Variants in NAV2 observed in about 807,000 individuals in gnomAD.
NAV2 encodes helicase, APC down-regulated 1.
A neutral mutation model predicts 223.2 loss-of-function variants in NAV2; 54 were observed. The ratio of observed to expected loss-of-function variants is 0.24; its 90% CI spans 0.19 to 0.30. The LOEUF (loss-of-function observed/expected upper bound fraction) is 0.30. NAV2 is among the 10% of genes least tolerant of loss of function. NAV2 has a pLI of 1.00. For synonymous variants in NAV2, 1,279 were observed against 1,239.3 expected (o/e 1.03, Z -0.67); for missense variants, 2,806 against 3,147.5 (o/e 0.89, Z 2.60).
chr11:19,709,850 A>C (rs1221391383), upstream of NAV2, among the ~76,000 whole-genome samples: 2 of 152,184 alleles, frequency 1.3e-5, no homozygotes, highest in Admixed American at 1.3e-4. Context: ...ACTAAAGGGA[A>C]GAAGAGGCAG....
At chr11:19,455,624 G>A (rs1268868491) in intron 1 of NAV2, among the ~76,000 whole-genome samples, 2 of 152,104 alleles carry the variant, frequency 1.3e-5, no homozygotes, top group African/African-American at 2.4e-5. Context: ...CTATGAATGG[G>A]CACTATTATT....
chr11:19,385,792 C>T (rs1363090642), intron 1 of NAV2, among the ~76,000 whole-genome samples: 8 of 104,486 alleles, frequency 7.7e-5, no homozygotes, highest in South Asian at 3.4e-4. Flanking sequence ...GACAGAGTCT[C>T]GCTCTGTCGC....
Position 19,527,664 on chromosome 11 carries a change from T to C in NAV2, c.75+176637T>C, listed in dbSNP as rs569366194. On this transcript the variant is annotated intron_variant, in intron 1 of 37. Transcript: ENST00000360655. ...AACTCTCTCCGCATCCAGCACTCTCTTGAATTTATCAGATGCCAATCATGA... is the reference window on the plus strand; with the variant it reads ...AACTCTCTCCGCATCCAGCACTCTCCTGAATTTATCAGATGCCAATCATGA... Among the ~76,000 whole-genome samples, 16 of 129,818 alleles carry C rather than the reference T, an allele frequency of 1.2e-4. No individual in the cohort carries two copies. In the Admixed American group the frequency reaches 1.4e-3, roughly 12 times the overall value. 85.2% of individuals were successfully genotyped at this position (129,818 alleles called of 152,430 possible).
At chr11:19,519,860 T>A (rs1257150290) in intron 1 of NAV2, 1 of 152,182 alleles carries the variant, frequency 6.6e-6, no homozygotes, top group East Asian at 1.9e-4. Flanking sequence ...CTCAGGGAGA[T>A]CCTGGGCCTT....
chr11:19,678,118 C>G (rs1195876404), intron 1 of NAV2, among the ~76,000 whole-genome samples: 1 of 152,176 alleles, frequency 6.6e-6, no homozygotes, highest in Admixed American at 6.5e-5. Context: ...AGAAAGCCTC[C>G]TTCAGAGGGG....
intron 1 of NAV2, among the ~76,000 whole-genome samples, chr11:19,682,787 C>A (rs73426637): frequency 0.021 from 3,127 of 152,228 alleles, 101 homozygotes; most frequent in African/African-American, 0.063. Flanking sequence ...AGGAGTATGA[C>A]GCTAAGCCGT....
intron 1 of NAV2, among the ~76,000 whole-genome samples, chr11:19,632,927 A>G (rs543339147): frequency 7.9e-5 from 12 of 152,352 alleles, no homozygotes; most frequent in Non-Finnish European, 1.6e-4. Flanking sequence ...TCACAGACAA[A>G]GAAACTGAAG....
intron 10 of NAV2, among the ~76,000 whole-genome samples, chr11:19,951,694 C>A (rs6483623): frequency 6.6e-6 from 1 of 152,170 alleles, no homozygotes; most frequent in African/African-American, 2.4e-5. Flanking sequence ...ACACTCTAAC[C>A]TGAATCTTAG....
chr11:19,372,383 C>G (rs759593584), intron 1 of NAV2, among the ~76,000 whole-genome samples: 2 of 152,194 alleles, frequency 1.3e-5, no homozygotes, highest in African/African-American at 2.4e-5. Flanking sequence ...CTCTGCTGCC[C>G]CATCCACTGG....
chr11:19,496,710 A>G (rs1171489121), intron 1 of NAV2, among the ~76,000 whole-genome samples: 1 of 152,358 alleles, frequency 6.6e-6, no homozygotes, highest in African/African-American at 2.4e-5. Flanking sequence ...GGCAAGGATC[A>G]TTGAGGACTG....
At chr11:19,462,357 G>A (rs2200568) in intron 1 of NAV2, among the ~76,000 whole-genome samples, 92,588 of 151,920 alleles carry the variant, frequency 0.61, 28,982 homozygotes, top group Non-Finnish European at 0.7. Flanking sequence ...ACCACTGGCC[G>A]AATTATTCCT....
chr11:19,593,159 C>T (rs1483191249), intron 1 of NAV2, among the ~76,000 whole-genome samples: 1 of 152,186 alleles, frequency 6.6e-6, no homozygotes, highest in African/African-American at 2.4e-5. Flanking sequence ...CTTCCGCCAC[C>T]CCCAGCCCCT....
At chr11:19,611,931 G>T (rs969732909) in intron 1 of NAV2, among the ~76,000 whole-genome samples, 1 of 152,250 alleles carries the variant, frequency 6.6e-6, no homozygotes, top group Non-Finnish European at 1.5e-5. Context: ...TACTGCCCTA[G>T]CAGAGGTTCT....
At chr11:20,009,199 C>T (rs545693174) in intron 11 of NAV2, among the ~76,000 whole-genome samples, 3 of 152,316 alleles carry the variant, frequency 2.0e-5, no homozygotes, top group Admixed American at 6.5e-5. Flanking sequence ...TATCCCTAAA[C>T]TCTGTGACCT....
At chr11:19,398,820 C>G (rs372631429) in intron 1 of NAV2, among the ~76,000 whole-genome samples, 14 of 152,214 alleles carry the variant, frequency 9.2e-5, no homozygotes, top group East Asian at 1.9e-4. Context: ...TCCTTCCCCC[C>G]ACAGACACAC....
At chr11:20,114,353 C>T in intron 36 of NAV2, 1 of 570,176 alleles carries the variant, frequency 1.8e-6, no homozygotes, top group Non-Finnish European at 3.1e-6. Context: ...GAGACATGAA[C>T]CTAGATCAGC....
intron 1 of NAV2, among the ~76,000 whole-genome samples, chr11:19,606,397 G>A (rs1383220127): frequency 6.6e-6 from 1 of 152,176 alleles, no homozygotes; most frequent in East Asian, 1.9e-4. Context: ...GTGTCAGCTT[G>A]CCCCAGGTGT....
chr11:19,933,838 A>T lies in NAV2; in HGVS notation c.1594A>T (p.Met532Leu), dbSNP rs750615660. ...EDPSGAAVPE[M>L]PKKSSKIASF... is the part of the protein sequence containing the mutation. ...CCCCAGTGGAGCAGCTGTGCCCGAG[A>T]TGCCAAAAAAGTCCTCCAAGATTGC... is the stretch of plus-strand genomic sequence containing the variant. The change falls in exon 7 of 38, where the codon ATG (methionine) becomes TTG (leucine). Residue 532 changes from methionine to leucine, a missense_variant. Coordinates refer to ENST00000349880, the MANE Select transcript of NAV2 (RefSeq NM_145117.5). The surrounding 1 kb of genome is among the most constrained non-coding windows in gnomAD (Gnocchi z 4.3). 57 of 1,608,988 alleles carry T rather than the reference A, an allele frequency of 3.5e-5. No individual in the cohort carries two copies. Among genetic ancestry groups the T allele is most frequent in the Non-Finnish European group, 4.5e-5 (53 of 1,178,602 alleles).
At chr11:19,439,126 TGGAAGGG>T (rs1851311824) in intron 1 of NAV2, among the ~76,000 whole-genome samples, 1 of 152,138 alleles carries the variant, frequency 6.6e-6, no homozygotes, top group African/African-American at 2.4e-5. Flanking sequence ...CAGGTGTGGT[TGGAAGGG>T]GCTTGTATGA....
Sources: allele counts gnomAD v4.1 joint callset (sites outside exome capture counted in the v4.1 genomes callset), GRCh38; gene constraint gnomAD v4.1.1; non-coding constraint Gnocchi (gnomAD v3.1); transcripts MANE v1.5; gene names NCBI Gene and HGNC (gene_info 2026-07-23, HGNC 2026-07-21).